Variants in FSTL4 observed in about 807,000 individuals in gnomAD.
The protein encoded by FSTL4 is follistatin-related protein 4.
A neutral mutation model predicts 78.2 loss-of-function variants in FSTL4; 28 were observed. The observed-to-expected ratio is 0.36, with a 90% CI of 0.27 to 0.49. The LOEUF (loss-of-function observed/expected upper bound fraction) is 0.49. Ranked by LOEUF, FSTL4 falls within the 20% of genes least tolerant of loss-of-function variation. FSTL4 has a pLI of 0.98. For synonymous variants in FSTL4, 422 were observed against 440.5 expected (o/e 0.96, Z 0.53); for missense variants, 922 against 1,084.9 (o/e 0.85, Z 2.11).
chr5:133,225,142 C>T lies in FSTL4; in HGVS notation c.1312+8G>A, dbSNP rs73273886. Reference sequence around the variant, plus strand: ...CTCAGTGAGAAGCATAAACGCGTGTCGACTTACGGGTCTTTCTAGCTGAGT... The same window carrying T: ...CTCAGTGAGAAGCATAAACGCGTGTTGACTTACGGGTCTTTCTAGCTGAGT... On this transcript the variant is annotated splice_region_variant and intron_variant, in intron 10 of 15. Coordinates refer to ENST00000265342, the MANE Select transcript of FSTL4 (RefSeq NM_015082.2). The surrounding 1 kb of genome is among the most constrained non-coding windows in gnomAD (Gnocchi z 4.6). 8,155 of 1,614,144 alleles carry T rather than the reference C, an allele frequency of 5.1e-3. 237 individuals carry two copies. In the African/African-American group the frequency reaches 0.076, roughly 15 times the overall value.
chr5:133,223,617 G>A (rs1468288558), intron 11 of FSTL4, among the ~76,000 whole-genome samples: 6 of 152,148 alleles, frequency 3.9e-5, no homozygotes, highest in African/African-American at 1.4e-4. Context: ...TATATTTTCA[G>A]CCATATGAAA....
intron 6 of FSTL4, among the ~76,000 whole-genome samples, chr5:133,250,866 C>T (rs1452140893): frequency 1.3e-5 from 2 of 152,208 alleles, no homozygotes; most frequent in Admixed American, 1.3e-4. Context: ...ACGCTAGGTG[C>T]TTCATCAGTG....
At chr5:133,635,279 A>T in the FSTL4 span, among the ~76,000 whole-genome samples, 3 of 152,354 alleles carry the variant, frequency 2.0e-5, no homozygotes, top group African/African-American at 7.2e-5. Flanking sequence ...TTAAAACTCA[A>T]CATGACTACT....
intron 6 of FSTL4, among the ~76,000 whole-genome samples, chr5:133,258,662 T>G (rs573620572): frequency 4.3e-4 from 65 of 152,318 alleles, no homozygotes; most frequent in African/African-American, 1.4e-3. Context: ...GTGAAGAACA[T>G]GGTCTAGTCA....
In FSTL4 at chr5:133,197,834, G is replaced by A. The variant is rs1336636576; in HGVS notation, c.*1261C>T. On this transcript the variant is annotated 3_prime_UTR_variant, in exon 16 of 16. Transcript: ENST00000265342. Reference sequence around the variant, plus strand: ...CGGTCTCCAGAGGGCTATGTGGGTTGTACTTCTTCGATGCCCATGTGAGAG... The same window carrying A: ...CGGTCTCCAGAGGGCTATGTGGGTTATACTTCTTCGATGCCCATGTGAGAG... The A allele has an allele frequency of 6.6e-6, 1 of 152,274 alleles. No homozygotes were observed. Among genetic ancestry groups the A allele is most frequent in the African/African-American group, 2.4e-5 (1 of 41,436 alleles). 9.4% of individuals were successfully genotyped at this position (152,274 alleles called of 1,614,324 possible).
At chr5:133,716,140 T>C in the FSTL4 span, among the ~76,000 whole-genome samples, 17 of 152,162 alleles carry the variant, frequency 1.1e-4, no homozygotes, top group African/African-American at 3.6e-4. Context: ...GGAAGAATCG[T>C]TGGAAGAAGT....
intron 7 of FSTL4, among the ~76,000 whole-genome samples, chr5:133,235,439 T>C (rs996484026): frequency 1.4e-5 from 2 of 145,936 alleles, no homozygotes; most frequent in Non-Finnish European, 3.0e-5. Flanking sequence ...GCGGAGGTTG[T>C]AGTGAGCTGA....
chr5:133,539,501 G>A (rs769697431), intron 3 of FSTL4, among the ~76,000 whole-genome samples: 4 of 152,152 alleles, frequency 2.6e-5, no homozygotes, highest in Middle Eastern at 3.4e-3. Flanking sequence ...ACAGTGGGGC[G>A]GCACAGGACA....
chr5:133,356,415 G>A (rs1754945719), intron 4 of FSTL4, among the ~76,000 whole-genome samples: 3 of 152,148 alleles, frequency 2.0e-5, no homozygotes, highest in Admixed American at 1.3e-4. Context: ...GTACTGGGAG[G>A]GGGAATTTGA....
At chr5:133,509,335 G>C (rs1758677042) in intron 3 of FSTL4, among the ~76,000 whole-genome samples, 1 of 152,116 alleles carries the variant, frequency 6.6e-6, no homozygotes, top group African/African-American at 2.4e-5. Flanking sequence ...ACACAGCAAA[G>C]ACCTGGCCAA....
intron 3 of FSTL4, among the ~76,000 whole-genome samples, chr5:133,510,765 G>C (rs138277386): frequency 2.0e-5 from 3 of 152,044 alleles, no homozygotes; most frequent in Admixed American, 2.0e-4. Flanking sequence ...GGAGCTTTGC[G>C]ATCCTGTCCT....
At chr5:133,448,858 A>C (rs911242014) in intron 3 of FSTL4, among the ~76,000 whole-genome samples, 2 of 152,104 alleles carry the variant, frequency 1.3e-5, no homozygotes, top group Non-Finnish European at 2.9e-5. Context: ...CAGGTCCCCA[A>C]ATCTAGTTCT....
intron 3 of FSTL4, among the ~76,000 whole-genome samples, chr5:133,542,513 T>C (rs1759497446): frequency 1.3e-5 from 2 of 152,228 alleles, no homozygotes; most frequent in Non-Finnish European, 2.9e-5. Flanking sequence ...GAGTAGTTCA[T>C]ATGAGATGAA....
At chr5:133,634,758 G>C in the FSTL4 span, among the ~76,000 whole-genome samples, 1 of 152,150 alleles carries the variant, frequency 6.6e-6, no homozygotes, top group Admixed American at 6.5e-5. Context: ...TGTCAGACAT[G>C]TTACTAATTG....
At chr5:133,250,131 T>C (rs1752174915) in intron 6 of FSTL4, among the ~76,000 whole-genome samples, 2 of 152,244 alleles carry the variant, frequency 1.3e-5, no homozygotes, top group East Asian at 1.9e-4. Flanking sequence ...TTCTGTCCTA[T>C]GAAAATGCAC....
chr5:133,796,575 C>T, the FSTL4 span, among the ~76,000 whole-genome samples: 2 of 152,124 alleles, frequency 1.3e-5, no homozygotes, highest in Non-Finnish European at 2.9e-5. Flanking sequence ...GACTGTCCAG[C>T]AGCCAAATCC....
At chr5:133,260,851 A>G (rs1227633649) in intron 6 of FSTL4, among the ~76,000 whole-genome samples, 1 of 152,214 alleles carries the variant, frequency 6.6e-6, no homozygotes, top group Non-Finnish European at 1.5e-5. Flanking sequence ...GGGGTTTGGA[A>G]GAGCCTCATC....
At chr5:133,358,953 G>A (rs149083249) in intron 4 of FSTL4, among the ~76,000 whole-genome samples, 1 of 152,286 alleles carries the variant, frequency 6.6e-6, no homozygotes, top group Non-Finnish European at 1.5e-5. Context: ...ATAAGTCTCC[G>A]ATGATCCCAA....
At chr5:133,371,466 T>A (rs1298991875) in intron 4 of FSTL4, among the ~76,000 whole-genome samples, 2 of 152,168 alleles carry the variant, frequency 1.3e-5, no homozygotes, top group Non-Finnish European at 2.9e-5. Flanking sequence ...CTACGGAAAG[T>A]GTGGGCCTGA....
Sources: allele counts gnomAD v4.1 joint callset (sites outside exome capture counted in the v4.1 genomes callset), GRCh38; gene constraint gnomAD v4.1.1; non-coding constraint Gnocchi (gnomAD v3.1); transcripts MANE v1.5; gene names NCBI Gene and HGNC (gene_info 2026-07-23, HGNC 2026-07-21).